The following SHE variants were observed in gnomAD, a reference collection of about 807,000 sequenced individuals.
SHE encodes the protein SH2 domain-containing adapter protein E.
In SHE, 11 loss-of-function variants were observed where a neutral mutation model predicts 49.8. That is an observed-to-expected ratio of 0.22 (90% CI 0.14 to 0.37). The LOEUF is 0.37. Among genes scored for constraint, SHE ranks in the 10% least tolerant of loss-of-function variants. The pLI, the probability that SHE is intolerant of heterozygous loss-of-function variation, is 1.00. For missense variants in SHE, 624 were observed against 655.5 expected, an observed-to-expected ratio of 0.95 and a Z score of 0.52; for synonymous variants, 310 against 278.1, an observed-to-expected ratio of 1.11 and a Z score of -1.14.
chr1:154,470,058 G>A lies in SHE; in HGVS notation c.*283C>T, dbSNP rs11265619. On this transcript the variant is annotated 3_prime_UTR_variant, in exon 2 of 2. Coordinates refer to the SHE transcript ENST00000486773. ...AACTCCACTCAAAGCTGGACTGAGA[G>A]GCGCCGCCTCTGGGCCCCCACCTGG... 1.7e-3 allele frequency: 554 copies of A among 334,550 alleles called. 4 individuals are homozygous for A. The highest frequency in any genetic ancestry group is 0.011 in the African/African-American group (519 of 46,374). 20.7% of individuals were successfully genotyped at this position (334,550 alleles called of 1,614,324 possible). A position where few individuals can be genotyped will look rare whatever the true frequency, so the allele number is the denominator to read the frequency against.
rs1410183156 is a variant in SHE, at chr1:154,489,151, C to A, written c.924G>T (p.Arg308=). ...EGGPRAEGKA[R]PPDSRLPEND... ...TCTCGGGCAGCCGGCTGTCTGGGGG[C>A]CGCGCCTTCCCCTCTGCCCTGGGCC... Residue 308 remains arginine, a synonymous_variant, in exon 3 of 6, where the codon CGG becomes CGT. Transcript: ENST00000304760. The A allele has an allele frequency of 2.5e-6, 4 of 1,614,118 alleles. No homozygotes were observed. The East Asian group carries it at 8.9e-5, about 36-fold the overall frequency.
chr1:154,502,000 G>C lies in SHE; in HGVS notation c.27C>G (p.Ala9=), dbSNP rs1170050106. 4 of 1,390,490 alleles carry C rather than the reference G, an allele frequency of 2.9e-6. No homozygotes were observed. In the East Asian group the frequency reaches 8.8e-5, roughly 31 times the overall value. The allele number at this position is 1,390,490 out of a possible 1,614,324, so 86.1% of individuals were successfully genotyped here. The change falls in exon 1 of 6, where the codon GCC becomes GCG. Residue 9 remains alanine, a synonymous_variant. Coordinates refer to ENST00000304760, the MANE Select transcript of SHE (RefSeq NM_001010846.3). MQWSPTPG[A]SACLGWASSL... ...AGGAAGCCCAGCCCAGACACGCAGAGGCGCCAGGGGTCGGGGACCACTGCA... is the reference window on the plus strand; with the variant it reads ...AGGAAGCCCAGCCCAGACACGCAGACGCGCCAGGGGTCGGGGACCACTGCA...
intron 2 of SHE, among the ~76,000 whole-genome samples, chr1:154,495,906 T>C (rs1692515834): frequency 1.3e-5 from 2 of 152,224 alleles, no homozygotes. Context: ...AGTTCAACTG[T>C]GTTCATTAAA....
Position 154,501,737 on chromosome 1 carries a change from C to A in SHE, c.290G>T (p.Gly97Val). ...AELGSGRAGVGPKDSRLSRDS... is the reference protein window; with the variant it reads ...AELGSGRAGVVPKDSRLSRDS... The stretch of plus-strand genomic sequence containing the variant: ...GCGGGACAGCCGGCTGTCCTTGGGG[C>A]CGACGCCGGCCCTGCCGCTCCCCAG... Residue 97 changes from glycine (G) to valine (V), a missense_variant, in exon 1 of 6, where the codon GGC (glycine) becomes GTC (valine). Transcript: ENST00000304760. 4 of 1,577,618 alleles carry A rather than the reference C, an allele frequency of 2.5e-6. No individual in the cohort carries two copies. Among genetic ancestry groups the A allele is most frequent in the Non-Finnish European group, 2.6e-6 (3 of 1,166,712 alleles).
Position 154,502,081 on chromosome 1 carries a change from T to C in SHE, c.-55A>G, listed in dbSNP as rs6703672. The C allele has an allele frequency of 0.83, 1,006,277 of 1,216,178 alleles. 418,100 individuals are homozygous for C. The highest frequency in any genetic ancestry group is 0.92 in the East Asian group (28,339 of 30,872). 75.3% of individuals were successfully genotyped at this position (1,216,178 alleles called of 1,614,324 possible). A position where few individuals can be genotyped will look rare whatever the true frequency, so the allele number is the denominator to read the frequency against. On this transcript the variant is annotated 5_prime_UTR_variant, in exon 1 of 6. Coordinates refer to ENST00000304760, the MANE Select transcript of SHE (RefSeq NM_001010846.3). ...GCGAGGCCCCGCGACGGCTGCTCCG[T>C]GCGCCCCCGGCCGGCCGTCGCCCAC... is the stretch of plus-strand genomic sequence containing the variant.
chr1:154,472,491 G>A (rs911834489), intron 1 of SHE, among the ~76,000 whole-genome samples: 1 of 152,222 alleles, frequency 6.6e-6, no homozygotes, highest in Non-Finnish European at 1.5e-5. Flanking sequence ...TCCATCCTGA[G>A]AGTGGCTGGA....
At chr1:154,486,084 G>A in intron 4 of SHE, 22 bp from the exon 5 acceptor site, 1 of 1,606,704 alleles carries the variant, frequency 6.2e-7, no homozygotes, top group Non-Finnish European at 8.5e-7. Flanking sequence ...GGGTGGAAGA[G>A]GGGAAAGCAC....
In SHE at chr1:154,479,621, T is replaced by C; in HGVS notation, c.*4528A>G. On this transcript the variant is annotated 3_prime_UTR_variant, in exon 6 of 6. Coordinates refer to ENST00000304760, the MANE Select transcript of SHE (RefSeq NM_001010846.3). ...ATTTAAATTACTAAGGCACTATAGA[T>C]AGACACCTATATTACATACAATCTT... 3 of 964,758 alleles carry C rather than the reference T, an allele frequency of 3.1e-6. No individual in the cohort carries two copies. Among genetic ancestry groups the C allele is most frequent in the Non-Finnish European group, 3.7e-6 (3 of 811,052 alleles). 59.8% of individuals were successfully genotyped at this position (964,758 alleles called of 1,614,324 possible). A position where few individuals can be genotyped will look rare whatever the true frequency, so the allele number is the denominator to read the frequency against.
chr1:154,473,972 C>T (rs903103295), intron 1 of SHE, among the ~76,000 whole-genome samples: 8 of 152,192 alleles, frequency 5.3e-5, no homozygotes, highest in African/African-American at 1.2e-4. Context: ...AAGATGCCCA[C>T]GCTAGTTAAG....
In SHE at chr1:154,482,490, C is replaced by T; in HGVS notation, c.*1659G>A. 1.0e-6 allele frequency: 1 copy of T among 985,342 alleles called. No homozygotes were observed. Among genetic ancestry groups the T allele is most frequent in the African/African-American group, 1.7e-5 (1 of 57,342 alleles). 61.0% of individuals were successfully genotyped at this position (985,342 alleles called of 1,614,324 possible). ...ACTAGTAACTACAAAGGTATACTTT[C>T]CTAAAAAATTAACCAAATCAACATT... On this transcript the variant is annotated 3_prime_UTR_variant, in exon 6 of 6. Transcript: ENST00000304760.
At chr1:154,478,574 G>A (rs1571039160), downstream of SHE, among the ~76,000 whole-genome samples, 1 of 152,160 alleles carries the variant, frequency 6.6e-6, no homozygotes, top group Admixed American at 6.6e-5. Flanking sequence ...CCACCTGGCT[G>A]AGTTGTGGCA....
chr1:154,477,697 C>T (rs147269689), downstream of SHE, among the ~76,000 whole-genome samples: 73 of 152,062 alleles, frequency 4.8e-4, no homozygotes, highest in African/African-American at 1.7e-3. Context: ...TTGAGACCAG[C>T]CTGGCCAACA....
Position 154,501,658 on chromosome 1 carries a change from G to T in SHE, c.369C>A (p.Ser123=), listed in dbSNP as rs1692757062. The change falls in exon 1 of 6, where the codon TCC becomes TCA. Residue 123 remains serine (S), a synonymous_variant. Coordinates refer to ENST00000304760, the MANE Select transcript of SHE (RefSeq NM_001010846.3). ...QAAAGKGRKN[S]RATEEEPHRG... ...GGTGGGGCTCCTCCTCCGTGGCCCG[G>T]GAGTTTTTGCGGCCCTTGCCCGCGG... The T allele has an allele frequency of 6.2e-7, 1 of 1,613,984 alleles. No individual in the cohort carries two copies. The highest frequency in any genetic ancestry group is 8.5e-7 in the Non-Finnish European group (1 of 1,179,966).
Position 154,502,146 on chromosome 1 carries a change from CGGG to C in SHE, c.-123_-121del. 2 of 800,662 alleles carry C rather than the reference CGGG, an allele frequency of 2.5e-6. No individual in the cohort carries two copies. Among genetic ancestry groups the C allele is most frequent in the Non-Finnish European group, 3.3e-6 (2 of 612,674 alleles). 49.6% of individuals were successfully genotyped at this position (800,662 alleles called of 1,614,324 possible). A position where few individuals can be genotyped will look rare whatever the true frequency, so the allele number is the denominator to read the frequency against. ...GGTTCTCACGGCTCGGGGCGCCGAG[CGGG>C]CGGGCGCTAGCCTCTGCTCCGGACA... On this transcript the variant is annotated 5_prime_UTR_variant, in exon 1 of 6. Transcript: ENST00000304760.
chr1:154,492,228 G>A (rs1049161351), intron 2 of SHE, among the ~76,000 whole-genome samples: 10 of 151,966 alleles, frequency 6.6e-5, no homozygotes, highest in Non-Finnish European at 1.0e-4. Context: ...GAAATCACCC[G>A]CGGGCTTTCA....
At position 154,501,747 on chromosome 1, in the gene SHE, C is replaced by G. The variant is rs1466174843; in HGVS notation, c.280G>C (p.Ala94Pro). ...CGGCTGTCCTTGGGGCCGACGCCGG[C>G]CCTGCCGCTCCCCAGCTCGGCCGCC... ...NSAAELGSGR[A>P]GVGPKDSRLS... The change falls in exon 1 of 6, where the codon GCC (alanine) becomes CCC (proline). Residue 94 changes from alanine (A) to proline (P), a missense_variant. Transcript: ENST00000304760. The G allele has an allele frequency of 1.3e-6, 2 of 1,573,966 alleles. No homozygotes were observed. Among genetic ancestry groups the G allele is most frequent in the African/African-American group, 2.7e-5 (2 of 73,936 alleles).
At position 154,483,915 on chromosome 1, in the gene SHE, T is replaced by C; in HGVS notation, c.*234A>G. On this transcript the variant is annotated 3_prime_UTR_variant, in exon 6 of 6. Transcript: ENST00000304760. ...TGGGAGGCTGATGGGGAAGAACTGCTTGAACCCAGGAGTCAGATGTTGCAG... is the reference window on the plus strand; with the variant it reads ...TGGGAGGCTGATGGGGAAGAACTGCCTGAACCCAGGAGTCAGATGTTGCAG... The C allele has an allele frequency of 8.1e-7, 1 of 1,231,616 alleles. No homozygotes were observed. The highest frequency in any genetic ancestry group is 1.0e-6 in the Non-Finnish European group (1 of 957,166). The allele number at this position is 1,231,616 out of a possible 1,614,324, so 76.3% of individuals were successfully genotyped here. A position where few individuals can be genotyped will look rare whatever the true frequency, so the allele number is the denominator to read the frequency against.
Position 154,480,416 on chromosome 1 carries a change from T to C in SHE, c.*3733A>G, listed in dbSNP as rs1443341296. 4.1e-6 allele frequency: 4 copies of C among 985,332 alleles called. No individual in the cohort carries two copies. The highest frequency in any genetic ancestry group is 4.7e-5 in the South Asian group (1 of 21,288). 61.0% of individuals were successfully genotyped at this position (985,332 alleles called of 1,614,324 possible). A position where few individuals can be genotyped will look rare whatever the true frequency, so the allele number is the denominator to read the frequency against. Reference sequence around the variant, plus strand: ...CCGCAACTGAAGAATGCCTCACAGTTATTCTTCTGAATATCAAGATGCATC... The same window carrying C: ...CCGCAACTGAAGAATGCCTCACAGTCATTCTTCTGAATATCAAGATGCATC... On this transcript the variant is annotated 3_prime_UTR_variant, in exon 6 of 6. Coordinates refer to ENST00000304760, the MANE Select transcript of SHE (RefSeq NM_001010846.3).
chr1:154,472,497 C>T (rs965957390), intron 1 of SHE, among the ~76,000 whole-genome samples: 2 of 152,208 alleles, frequency 1.3e-5, no homozygotes, highest in Admixed American at 1.3e-4. Flanking sequence ...CTGAGAGTGG[C>T]TGGACCGTGA....
Sources: allele counts gnomAD v4.1 joint callset (sites outside exome capture counted in the v4.1 genomes callset), GRCh38; gene constraint gnomAD v4.1.1; transcripts MANE v1.5; gene names NCBI Gene and HGNC (gene_info 2026-07-23, HGNC 2026-07-21).